CNBD1: variants seen among roughly 807,000 people sequenced by gnomAD.
CNBD1 encodes the protein cyclic nucleotide binding domain containing 1, also known as cyclic nucleotide-binding domain-containing protein 1.
A neutral mutation model predicts 54.4 loss-of-function variants in CNBD1; 71 were observed. The observed-to-expected ratio is 1.30, with a 90% CI of 1.08 to 1.59. The LOEUF (loss-of-function observed/expected upper bound fraction) is 1.59. CNBD1 is among the 40% of genes most tolerant of loss of function. CNBD1 has a pLI of 0.00. For synonymous variants in CNBD1, 182 were observed against 170.7 expected, an observed-to-expected ratio of 1.07 and a Z score of -0.51; for missense variants, 659 against 518.0, an observed-to-expected ratio of 1.27 and a Z score of -2.64.
chr8:86,925,560 A>G (rs1031586602), intron 3 of CNBD1, among the ~76,000 whole-genome samples: 1 of 147,594 alleles, frequency 6.8e-6, no homozygotes, highest in Admixed American at 6.8e-5. Flanking sequence ...ATTGGGGGTA[A>G]AGGCAGTAAA....
At chr8:87,424,290 A>G (rs1425091820) in intron 2 of CNBD1, among the ~76,000 whole-genome samples, 1 of 151,464 alleles carries the variant, frequency 6.6e-6, no homozygotes, top group Non-Finnish European at 1.5e-5. Context: ...TTCTGCTCTG[A>G]TTTTAGTTAC....
At chr8:87,226,661 C>A (rs138362258) in intron 5 of CNBD1, among the ~76,000 whole-genome samples, 3 of 151,608 alleles carry the variant, frequency 2.0e-5, no homozygotes, top group Non-Finnish European at 1.5e-5. Context: ...TTACTTCCAA[C>A]TATGTGGTCA....
At chr8:87,369,817 C>A (rs71504322) in intron 10 of CNBD1, among the ~76,000 whole-genome samples, 42,680 of 151,638 alleles carry the variant, frequency 0.28, 6,707 homozygotes, top group Middle Eastern at 0.41. Context: ...TGCTGGTGTG[C>A]TGCACCCATT....
chr8:87,218,005 G>A (rs1814250416), intron 5 of CNBD1, among the ~76,000 whole-genome samples: 1 of 152,008 alleles, frequency 6.6e-6, no homozygotes, highest in African/African-American at 2.4e-5. Context: ...CCTTCTTTTG[G>A]TGGTATAGGT....
downstream of CNBD1, among the ~76,000 whole-genome samples, chr8:87,384,748 C>A (rs915234559): frequency 6.6e-6 from 1 of 151,872 alleles, no homozygotes; most frequent in Non-Finnish European, 1.5e-5. Flanking sequence ...TGACATTATA[C>A]CTCAGACCTG....
intron 4 of CNBD1, among the ~76,000 whole-genome samples, chr8:87,041,009 A>G (rs758127885): frequency 1.6e-4 from 25 of 152,092 alleles, no homozygotes; most frequent in Admixed American, 3.9e-4. Context: ...TTAAATATAG[A>G]AAAATGATTA....
chr8:87,380,254 C>T (rs1278805653), intron 10 of CNBD1, among the ~76,000 whole-genome samples: 1 of 151,902 alleles, frequency 6.6e-6, no homozygotes, highest in Admixed American at 6.6e-5. Flanking sequence ...AAATAGTATA[C>T]AGTTAGAAAT....
At chr8:87,380,494 A>G (rs1350166542) in intron 10 of CNBD1, among the ~76,000 whole-genome samples, 2 of 151,860 alleles carry the variant, frequency 1.3e-5, no homozygotes, top group East Asian at 3.9e-4. Flanking sequence ...TGATTTGGTT[A>G]TGTGTAATTT....
At chr8:86,873,696 C>A (rs1469096810) in intron 1 of CNBD1, among the ~76,000 whole-genome samples, 1 of 151,976 alleles carries the variant, frequency 6.6e-6, no homozygotes, top group African/African-American at 2.4e-5. Context: ...TTGCATGCCA[C>A]TAAATAAAAT....
intron 8 of CNBD1, among the ~76,000 whole-genome samples, chr8:87,315,426 G>T (rs957355535): frequency 6.6e-6 from 1 of 151,812 alleles, no homozygotes; most frequent in Non-Finnish European, 1.5e-5. Context: ...CATACAAGAA[G>T]CATGGTGCAG....
At chr8:87,276,642 G>A (rs1041089207) in intron 6 of CNBD1, among the ~76,000 whole-genome samples, 38 of 151,792 alleles carry the variant, frequency 2.5e-4, no homozygotes, top group African/African-American at 8.7e-4. Flanking sequence ...TCCCCTTGCT[G>A]AGAACAACTA....
intron 8 of CNBD1, among the ~76,000 whole-genome samples, chr8:87,312,912 C>T (rs1246301462): frequency 6.6e-6 from 1 of 151,828 alleles, no homozygotes; most frequent in Non-Finnish European, 1.5e-5. Flanking sequence ...TTTGTATTTG[C>T]TCCCAGAAAA....
Position 87,121,317 on chromosome 8 carries a change from A to T in CNBD1, c.432-84676A>T, listed in dbSNP as rs950798224. Among the ~76,000 whole-genome samples the T allele has an allele frequency of 1.2e-4, 18 of 151,808 alleles. No individual in the cohort carries two copies. The East Asian group carries it at 2.9e-3, about 24-fold the overall frequency. ...TAAATATTAGAAAAAATAAAATTAG[A>T]CTACAAAATTGTATTAGGAAATAAG... On this transcript the variant is annotated intron_variant, in intron 4 of 10. Coordinates refer to ENST00000518476, the MANE Select transcript of CNBD1 (RefSeq NM_173538.3).
At chr8:86,881,432 A>G (rs2131779175) in intron 1 of CNBD1, among the ~76,000 whole-genome samples, 1 of 152,302 alleles carries the variant, frequency 6.6e-6, no homozygotes, top group South Asian at 2.1e-4. Context: ...CCACAGAAAG[A>G]ATAAAATACC....
chr8:86,875,865 G>A (rs963358973), intron 1 of CNBD1, among the ~76,000 whole-genome samples: 1 of 152,038 alleles, frequency 6.6e-6, no homozygotes, highest in African/African-American at 2.4e-5. Flanking sequence ...AAATTATATT[G>A]CTATATTCTC....
chr8:87,272,014 G>A (rs901771294), intron 6 of CNBD1, among the ~76,000 whole-genome samples: 1 of 151,896 alleles, frequency 6.6e-6, no homozygotes, highest in Non-Finnish European at 1.5e-5. Context: ...CAGAAAGACA[G>A]GTATCACATG....
At chr8:87,259,912 T>A (rs988500437) in intron 6 of CNBD1, among the ~76,000 whole-genome samples, 3 of 152,194 alleles carry the variant, frequency 2.0e-5, no homozygotes, top group Admixed American at 2.0e-4. Context: ...ATGGCTGATA[T>A]TTCTCACTTT....
intron 4 of CNBD1, among the ~76,000 whole-genome samples, chr8:87,013,645 T>C (rs1432474072): frequency 6.6e-6 from 1 of 151,600 alleles, no homozygotes; most frequent in Admixed American, 6.6e-5. Context: ...TTTTGTTTTT[T>C]TTTTGCAAGC....
intron 6 of CNBD1, among the ~76,000 whole-genome samples, chr8:87,262,546 A>G (rs985020527): frequency 2.6e-5 from 4 of 152,284 alleles, no homozygotes; most frequent in African/African-American, 9.6e-5. Flanking sequence ...AAGGCAGAGA[A>G]AAGGTAAATT....
Sources: allele counts gnomAD v4.1 joint callset (sites outside exome capture counted in the v4.1 genomes callset), GRCh38; gene constraint gnomAD v4.1.1; transcripts MANE v1.5; gene names NCBI Gene and HGNC (gene_info 2026-07-23, HGNC 2026-07-21).